USH2A: variants seen among roughly 807,000 people sequenced by gnomAD.
USH2A encodes Usher syndrome 2A (autosomal recessive, mild).
A neutral mutation model predicts 538.9 loss-of-function variants in USH2A; 443 were observed. That is an observed-to-expected ratio of 0.82 (90% CI 0.76 to 0.89). The LOEUF (loss-of-function observed/expected upper bound fraction) is 0.89. Ranked by LOEUF, USH2A falls within the 40% of genes least tolerant of loss-of-function variation. The pLI is 0.00. For missense variants in USH2A, 6,633 were observed against 6,324.8 expected (o/e 1.05, Z -1.65); for synonymous variants, 2,413 against 2,273.5 (o/e 1.06, Z -1.75).
intron 11 of USH2A, among the ~76,000 whole-genome samples, chr1:216,280,177 G>T (rs1021840979): frequency 7.3e-5 from 11 of 151,538 alleles, no homozygotes; most frequent in Non-Finnish European, 1.2e-4. Context: ...TCCAACTCAG[G>T]ATGCATGTCA....
intron 67 of USH2A, 105 bp from the exon 68 acceptor site, chr1:215,640,839 C>CAA: frequency 1.2e-6 from 1 of 837,160 alleles, no homozygotes; most frequent in South Asian, 2.1e-5. Context: ...CCGAACCAAT[C>CAA]CAAACAAAAA....
At chr1:215,865,700 A>G (rs1033243944) in intron 44 of USH2A, among the ~76,000 whole-genome samples, 2 of 152,330 alleles carry the variant, frequency 1.3e-5, no homozygotes, top group Non-Finnish European at 2.9e-5. Flanking sequence ...GGTTTAAGAG[A>G]TCCCAATACA....
chr1:215,695,508 C>G (rs1336821845), intron 61 of USH2A, among the ~76,000 whole-genome samples: 1 of 152,052 alleles, frequency 6.6e-6, no homozygotes, highest in Admixed American at 6.6e-5. Context: ...CAACCAGATT[C>G]TAAAACTTAC....
chr1:215,902,483 A>G (rs1202507867), intron 38 of USH2A, among the ~76,000 whole-genome samples: 1 of 152,182 alleles, frequency 6.6e-6, no homozygotes. Context: ...TGAATAAAAT[A>G]GACACCACTC....
intron 3 of USH2A, among the ~76,000 whole-genome samples, chr1:216,411,317 G>A (rs1474672268): frequency 1.3e-5 from 2 of 152,068 alleles, no homozygotes; most frequent in African/African-American, 4.8e-5. Context: ...GCATTCTTTT[G>A]AATAAATCTT....
chr1:216,142,633 C>A (rs1407326289), intron 21 of USH2A, among the ~76,000 whole-genome samples: 1 of 152,178 alleles, frequency 6.6e-6, no homozygotes, highest in African/African-American at 2.4e-5. Context: ...GATACACTCT[C>A]TCTTTCCTAA....
At chr1:215,805,266 C>G (rs1439825963) in intron 49 of USH2A, among the ~76,000 whole-genome samples, 3 of 141,452 alleles carry the variant, frequency 2.1e-5, no homozygotes, top group East Asian at 2.1e-4. Context: ...CACATGTACC[C>G]TAAAACTTAA....
intron 30 of USH2A, among the ~76,000 whole-genome samples, chr1:216,063,513 T>G (rs1380188252): frequency 6.6e-6 from 1 of 151,974 alleles, no homozygotes; most frequent in Non-Finnish European, 1.5e-5. Context: ...AGCAAACTCC[T>G]TGAAAGAAAA....
chr1:216,351,280 T>G (rs2038283093), intron 4 of USH2A, among the ~76,000 whole-genome samples: 1 of 152,128 alleles, frequency 6.6e-6, no homozygotes, highest in Admixed American at 6.6e-5. Context: ...AGACCCAAAG[T>G]GGGGAGGTGG....
chr1:216,073,105 G>A lies in USH2A; in HGVS notation c.5768C>T (p.Pro1923Leu), dbSNP rs2102548904. The part of the protein sequence containing the change: ...EQSVYEGGLQ[P>L]FTEYLYRVIA... The stretch of plus-strand genomic sequence containing the variant: ...GAGGACCTCCACATTACCTGTAAAA[G>A]GCTGGAGACCACCCTCGTAAACACT... Residue 1923 changes from proline to leucine, a missense_variant, in exon 28 of 72, where the codon CCT becomes CTT. Coordinates refer to ENST00000307340, the MANE Select transcript of USH2A (RefSeq NM_206933.4). 6.2e-7 allele frequency: 1 copy of A among 1,613,806 alleles called. No individual in the cohort carries two copies. The highest frequency in any genetic ancestry group is 2.2e-5 in the East Asian group (1 of 44,860).
At chr1:216,080,770 A>T (rs1366716649) in intron 26 of USH2A, among the ~76,000 whole-genome samples, 1 of 151,146 alleles carries the variant, frequency 6.6e-6, no homozygotes, top group Non-Finnish European at 1.5e-5. Flanking sequence ...GGATGACGGT[A>T]GACATATTTT....
chr1:215,914,964 C>T (rs938786364), intron 38 of USH2A, among the ~76,000 whole-genome samples: 13 of 152,116 alleles, frequency 8.5e-5, no homozygotes, highest in African/African-American at 3.1e-4. Flanking sequence ...ATGCTAACAT[C>T]TTGATATTCA....
At chr1:215,883,945 C>G (rs1162225268) in intron 41 of USH2A, among the ~76,000 whole-genome samples, 2 of 152,132 alleles carry the variant, frequency 1.3e-5, no homozygotes, top group Non-Finnish European at 2.9e-5. Flanking sequence ...AGTAAACTAA[C>G]ACAGGAACAG....
intron 60 of USH2A, among the ~76,000 whole-genome samples, chr1:215,731,028 G>A (rs1032113900): frequency 2.6e-5 from 4 of 152,186 alleles, no homozygotes; most frequent in South Asian, 4.1e-4. Flanking sequence ...GGTCTATGGG[G>A]AAGTAACATT....
At chr1:215,880,022 C>G (rs2102452764) in intron 41 of USH2A, among the ~76,000 whole-genome samples, 1 of 152,274 alleles carries the variant, frequency 6.6e-6, no homozygotes, top group South Asian at 2.1e-4. Flanking sequence ...ATAAACTCTA[C>G]ATTCACTTAG....
intron 38 of USH2A, among the ~76,000 whole-genome samples, chr1:215,923,280 C>A (rs1433382074): frequency 1.3e-5 from 2 of 152,042 alleles, no homozygotes. Context: ...AAAAAACACT[C>A]AAGGGAAAGA....
intron 16 of USH2A, among the ~76,000 whole-genome samples, chr1:216,203,489 C>T (rs2035045020): frequency 6.6e-6 from 1 of 151,942 alleles, no homozygotes; most frequent in Admixed American, 6.6e-5. Context: ...CATTGTTGAC[C>T]ATGAGTAACA....
chr1:216,028,346 T>C (rs1669017569), intron 32 of USH2A, among the ~76,000 whole-genome samples: 2 of 151,890 alleles, frequency 1.3e-5, no homozygotes, highest in African/African-American at 4.8e-5. Flanking sequence ...AAAATCATTC[T>C]ACTACACACC....
At chr1:215,785,699 T>C (rs901446064) in intron 52 of USH2A, among the ~76,000 whole-genome samples, 5 of 152,170 alleles carry the variant, frequency 3.3e-5, no homozygotes, top group Admixed American at 2.0e-4. Flanking sequence ...GACTAAATAA[T>C]GTTCAATCAA....
Sources: gnomAD v4.1 joint callset for allele counts (sites outside exome capture counted in the v4.1 genomes callset) on GRCh38, gnomAD v4.1.1 for gene constraint, MANE v1.5 for transcripts, NCBI Gene and HGNC (gene_info 2026-07-23, HGNC 2026-07-21) for gene names.